Variants in SCAPER observed in about 807,000 individuals in gnomAD.
The protein encoded by SCAPER is S phase cyclin A-associated protein in the endoplasmic reticulum.
In SCAPER, 98 loss-of-function variants were observed where a neutral mutation model predicts 182.2. That is an observed-to-expected ratio of 0.54 (90% confidence interval 0.46 to 0.64). SCAPER has a LOEUF of 0.64. Ranked by LOEUF, SCAPER falls within the 30% of genes least tolerant of loss-of-function variation. The pLI, the probability that SCAPER is intolerant of heterozygous loss-of-function variation, is 0.00. For missense variants in SCAPER, 1,432 were observed against 1,690.0 expected (o/e 0.85, Z 2.68); for synonymous variants, 605 against 564.6 (o/e 1.07, Z -1.01).
At chr15:76,662,418 A>G (rs1009389973) in intron 21 of SCAPER, among the ~76,000 whole-genome samples, 4 of 152,196 alleles carry the variant, frequency 2.6e-5, no homozygotes, top group Non-Finnish European at 1.5e-5. Context: ...TATTTATATA[A>G]AAATTGCACA....
At chr15:76,560,750 G>A (rs1353284768) in intron 23 of SCAPER, among the ~76,000 whole-genome samples, 2 of 152,152 alleles carry the variant, frequency 1.3e-5, no homozygotes, top group Non-Finnish European at 2.9e-5. Context: ...TTACGACTTT[G>A]TAGTATCAAA....
intron 5 of SCAPER, among the ~76,000 whole-genome samples, chr15:76,816,499 G>A (rs1161134433): frequency 1.3e-5 from 2 of 151,990 alleles, no homozygotes; most frequent in Admixed American, 6.6e-5. Context: ...AACATGTATG[G>A]GAGCTATCAT....
At chr15:76,480,270 T>C (rs1212725499) in intron 24 of SCAPER, among the ~76,000 whole-genome samples, 2 of 152,338 alleles carry the variant, frequency 1.3e-5, no homozygotes, top group East Asian at 3.9e-4. Context: ...TTTATATGCA[T>C]TTAGTCATTC....
At chr15:76,853,772 T>C (rs756186894) in intron 4 of SCAPER, among the ~76,000 whole-genome samples, 3 of 152,174 alleles carry the variant, frequency 2.0e-5, no homozygotes, top group Admixed American at 1.3e-4. Flanking sequence ...AAAGATGCCT[T>C]TTCTCGCCAC....
chr15:76,660,624 A>G (rs1368684199), intron 21 of SCAPER, among the ~76,000 whole-genome samples: 1 of 152,154 alleles, frequency 6.6e-6, no homozygotes, highest in East Asian at 1.9e-4. Flanking sequence ...AAAAATAAAA[A>G]CAAAAACAAA....
intron 29 of SCAPER, among the ~76,000 whole-genome samples, chr15:76,372,181 G>A (rs903566163): frequency 3.3e-5 from 5 of 152,112 alleles, no homozygotes; most frequent in East Asian, 1.9e-4. Flanking sequence ...GAAACACAGG[G>A]TCTGGCTTTT....
chr15:76,460,073 C>T (rs568988251), intron 25 of SCAPER, among the ~76,000 whole-genome samples: 1 of 151,964 alleles, frequency 6.6e-6, no homozygotes, highest in East Asian at 1.9e-4. Context: ...GTTACTGTGG[C>T]CTTGTAATAT....
At chr15:76,526,262 C>A (rs1046805053) in intron 23 of SCAPER, among the ~76,000 whole-genome samples, 1 of 152,114 alleles carries the variant, frequency 6.6e-6, no homozygotes, top group Admixed American at 6.5e-5. Flanking sequence ...TTTTACTGTG[C>A]ATAAAATTCT....
chr15:76,582,628 C>T (rs938482607), intron 22 of SCAPER, among the ~76,000 whole-genome samples: 12 of 152,060 alleles, frequency 7.9e-5, no homozygotes, highest in African/African-American at 2.7e-4. Context: ...GTACAGAAGA[C>T]GCAAAATAGC....
chr15:76,353,960 T>C lies in SCAPER; in HGVS notation c.4036A>G (p.Thr1346Ala). 6.4e-7 allele frequency: 1 copy of C among 1,570,902 alleles called. No individual in the cohort carries two copies. Among genetic ancestry groups the C allele is most frequent in the Non-Finnish European group, 8.6e-7 (1 of 1,164,186 alleles). ...AATGTAGAAGGTACCTGAATGAAAG[T>C]GGCCAGTAAAACACAGCTCATCTCT... Reference protein sequence around the residue: ...EQEMSCVLLATFIQDLAQTPG... With the variant: ...EQEMSCVLLAAFIQDLAQTPG... Residue 1346 changes from threonine (T) to alanine (A), a missense_variant, in exon 30 of 32, where the codon ACT becomes GCT. Transcript: ENST00000563290.
intron 20 of SCAPER, among the ~76,000 whole-genome samples, chr15:76,681,915 G>C (rs906322064): frequency 8.5e-5 from 13 of 152,110 alleles, no homozygotes; most frequent in African/African-American, 3.1e-4. Context: ...GGAGATTTTA[G>C]CCTTAGAGTG....
intron 24 of SCAPER, among the ~76,000 whole-genome samples, chr15:76,496,636 G>A (rs967844745): frequency 2.6e-5 from 4 of 152,192 alleles, no homozygotes; most frequent in Admixed American, 2.6e-4. Flanking sequence ...AACTGAGGTT[G>A]ACAGAAAAAA....
chr15:76,612,182 C>T (rs2051058525), intron 22 of SCAPER, among the ~76,000 whole-genome samples: 1 of 152,126 alleles, frequency 6.6e-6, no homozygotes, highest in Admixed American at 6.5e-5. Context: ...TAACATGATC[C>T]TGTATTTAGA....
intron 20 of SCAPER, among the ~76,000 whole-genome samples, chr15:76,699,752 G>A (rs1429692602): frequency 6.6e-6 from 1 of 152,186 alleles, no homozygotes; most frequent in East Asian, 1.9e-4. Flanking sequence ...GGCGGGCGCT[G>A]GCAAAATCAC....
intron 9 of SCAPER, among the ~76,000 whole-genome samples, chr15:76,773,400 C>A (rs146299706): frequency 1.6e-4 from 24 of 151,962 alleles, no homozygotes; most frequent in Non-Finnish European, 3.4e-4. Context: ...ACACACATTG[C>A]ATAATTTTTA....
intron 2 of SCAPER, among the ~76,000 whole-genome samples, chr15:76,883,463 G>T (rs779474902): frequency 2.5e-4 from 38 of 152,332 alleles, no homozygotes; most frequent in Non-Finnish European, 5.0e-4. Context: ...AGCCCAGGGA[G>T]AGTAGGTTCC....
intron 20 of SCAPER, among the ~76,000 whole-genome samples, chr15:76,668,231 G>C (rs919264198): frequency 5.3e-5 from 8 of 152,098 alleles, no homozygotes; most frequent in African/African-American, 1.4e-4. Context: ...CCTGCTCTAA[G>C]TCATTTATAT....
At chr15:76,486,107 T>C (rs2051622652) in intron 24 of SCAPER, among the ~76,000 whole-genome samples, 1 of 152,064 alleles carries the variant, frequency 6.6e-6, no homozygotes, top group South Asian at 2.1e-4. Context: ...CTTGTGAGGC[T>C]GAGGCAGGAG....
At chr15:76,737,572 A>G (rs2061337195) in intron 15 of SCAPER, among the ~76,000 whole-genome samples, 1 of 152,244 alleles carries the variant, frequency 6.6e-6, no homozygotes, top group Admixed American at 6.5e-5. Flanking sequence ...TGAAGTCACC[A>G]GCTGCATTAG....
Sources: gnomAD v4.1 joint callset for allele counts (sites outside exome capture counted in the v4.1 genomes callset) on GRCh38, gnomAD v4.1.1 for gene constraint, MANE v1.5 for transcripts, NCBI Gene and HGNC (gene_info 2026-07-23, HGNC 2026-07-21) for gene names.